Variants in CPLANE1 observed in about 807,000 individuals in gnomAD.
CPLANE1 encodes the protein ciliogenesis and planar polarity effector 1.
Under a neutral mutation model 362.5 loss-of-function variants are expected in CPLANE1, and 263 were observed. The observed-to-expected ratio is 0.73, with a 90% CI of 0.66 to 0.80. CPLANE1 has a LOEUF of 0.80. CPLANE1 is among the 30% of genes least tolerant of loss of function. The pLI, the probability that CPLANE1 is intolerant of heterozygous loss-of-function variation, is 0.00. For missense variants in CPLANE1, 3,461 were observed against 3,793.4 expected (o/e 0.91, Z 2.30); for synonymous variants, 1,212 against 1,302.6 (o/e 0.93, Z 1.50).
At chr5:37,102,043 C>T (rs1023979205), downstream of CPLANE1, among the ~76,000 whole-genome samples, 16 of 151,250 alleles carry the variant, frequency 1.1e-4, no homozygotes, top group African/African-American at 3.9e-4. Flanking sequence ...AAAAAAACAA[C>T]TCCTGGATTA....
rs1172760010 is a variant in CPLANE1 at position 37,157,311 on chromosome 5, A to C, written c.8119+2T>G. On this transcript the variant is annotated splice_donor_variant, in intron 41 of 52. Coordinates refer to ENST00000651892, the MANE Select transcript of CPLANE1 (RefSeq NM_001384732.1). LOFTEE classifies it high-confidence loss of function. The stretch of plus-strand genomic sequence containing the variant: ...GTCATGCTATACCTCTTGGCTGTTT[A>C]CCTTTGTTCTGCTGTATGTCTGATG... The C allele has an allele frequency of 7.4e-6, 10 of 1,357,880 alleles. No individual in the cohort carries two copies. In the Admixed American group the frequency reaches 1.9e-4, roughly 26 times the overall value. 84.1% of individuals were successfully genotyped at this position (1,357,880 alleles called of 1,614,324 possible). A position where few individuals can be genotyped will look rare whatever the true frequency, so the allele number is the denominator to read the frequency against.
rs928040824 is a variant in CPLANE1, at chr5:37,213,470, T to A, written c.2920+89A>T. ...CAGATACTATGCTAGAACAGTATCA[T>A]TGAGTAATGGCCTCTGTATAATATG... On this transcript the variant is annotated intron_variant, in intron 16 of 52. Transcript: ENST00000651892. 6.1e-6 allele frequency: 5 copies of A among 820,446 alleles called. No individual in the cohort carries two copies. The African/African-American group carries it at 8.7e-5, about 14-fold the overall frequency. 50.8% of individuals were successfully genotyped at this position (820,446 alleles called of 1,614,324 possible). A position where few individuals can be genotyped will look rare whatever the true frequency, so the allele number is the denominator to read the frequency against.
At chr5:37,096,206 T>G in the CPLANE1 span, among the ~76,000 whole-genome samples, 1 of 151,654 alleles carries the variant, frequency 6.6e-6, no homozygotes, top group Non-Finnish European at 1.5e-5. Context: ...ACCAAAACAG[T>G]GTGGTACTGG....
intron 19 of CPLANE1, 92 bp from the exon 20 acceptor site, chr5:37,198,958 A>G: frequency 1.7e-6 from 2 of 1,181,324 alleles, no homozygotes; most frequent in South Asian, 2.9e-5. Context: ...TGAGCTGAGC[A>G]CAGTGGCTCA....
chr5:37,135,822 T>G (rs1186323342), intron 46 of CPLANE1, among the ~76,000 whole-genome samples: 1 of 151,158 alleles, frequency 6.6e-6, no homozygotes, highest in East Asian at 1.9e-4. Flanking sequence ...AGAGCGAGAC[T>G]CTGTCTCAAA....
At chr5:37,140,868 T>G in intron 44 of CPLANE1, 3 of 934,074 alleles carry the variant, frequency 3.2e-6, no homozygotes, top group Non-Finnish European at 3.8e-6. Context: ...TTTTTTTTTT[T>G]CTAGCTCATC....
At chr5:37,085,733 AT>A in the CPLANE1 span, 1 of 1,323,942 alleles carries the variant, frequency 7.6e-7, no homozygotes, top group Non-Finnish European at 1.1e-6. Flanking sequence ...ACTTTCCAAC[AT>A]TTTTGTTATT....
chr5:37,202,474 C>T (rs1181921233), intron 18 of CPLANE1, among the ~76,000 whole-genome samples: 1 of 151,966 alleles, frequency 6.6e-6, no homozygotes, highest in Non-Finnish European at 1.5e-5. Context: ...CTTAATAGTA[C>T]ATGATAGTAC....
chr5:37,237,568 C>T (rs2150649632), intron 8 of CPLANE1, among the ~76,000 whole-genome samples: 1 of 152,318 alleles, frequency 6.6e-6, no homozygotes, highest in East Asian at 1.9e-4. Context: ...CACCTATGGC[C>T]AGGCACGGTG....
intron 5 of CPLANE1, 134 bp downstream of exon 5, chr5:37,244,241 A>T (rs1463977367): frequency 1.1e-5 from 6 of 565,974 alleles, no homozygotes; most frequent in African/African-American, 9.7e-5. Flanking sequence ...GTGACCCAAG[A>T]AATATAAAAA....
chr5:37,244,493 G>A lies in CPLANE1; in HGVS notation c.452C>T (p.Ser151Phe), dbSNP rs1343395272. The A allele has an allele frequency of 1.9e-6, 3 of 1,551,690 alleles. No individual in the cohort carries two copies. Among genetic ancestry groups the A allele is most frequent in the Non-Finnish European group, 2.6e-6 (3 of 1,146,982 alleles). ...WEYLELKNIL[S>F]SKSLSLAGRW... ...ACCCGCCAATGAAAGGCTTTTAGAA[G>A]ATAAGATATTCTTTAATTCCAAATA... is the stretch of plus-strand genomic sequence containing the variant. Residue 151 changes from serine to phenylalanine, a missense_variant, in exon 5 of 53, where the codon TCT becomes TTT. Coordinates refer to ENST00000651892, the MANE Select transcript of CPLANE1 (RefSeq NM_001384732.1).
chr5:37,087,580 C>T, the CPLANE1 span, among the ~76,000 whole-genome samples: 2 of 152,214 alleles, frequency 1.3e-5, no homozygotes, highest in Non-Finnish European at 2.9e-5. Flanking sequence ...CCTCAGCCTC[C>T]CGCGTAGCTG....
At chr5:37,147,971 C>CAAAAAAAAAAAAAAAAAAA (rs11284644) in intron 43 of CPLANE1, among the ~76,000 whole-genome samples, 14 of 15,312 alleles carry the variant, frequency 9.1e-4, no homozygotes, top group South Asian at 5.8e-3. Flanking sequence ...ACTGCCTTCT[C>CAAAAAAAAAAAAAAAAAAA]AAAAAAAAAA....
intron 42 of CPLANE1, among the ~76,000 whole-genome samples, chr5:37,152,704 AG>A (rs1390202122): frequency 3.9e-5 from 6 of 152,216 alleles, no homozygotes; most frequent in African/African-American, 1.4e-4. Flanking sequence ...CAAGCAAAAT[AG>A]GGAGAACTCG....
intron 15 of CPLANE1, among the ~76,000 whole-genome samples, chr5:37,220,815 G>A (rs1009232845): frequency 5.3e-5 from 8 of 152,152 alleles, no homozygotes; most frequent in Admixed American, 2.6e-4. Flanking sequence ...CACTGTGCCC[G>A]GCCCAGATTT....
Position 37,209,419 on chromosome 5 carries a change from T to A in CPLANE1, c.2921-2994A>T, listed in dbSNP as rs1323007163. Reference sequence around the variant, plus strand: ...GCTGATGTGTTGAGTCAAAATGAACTGCGCAAAAAGCTATACCAGACATTT... The same window carrying A: ...GCTGATGTGTTGAGTCAAAATGAACAGCGCAAAAAGCTATACCAGACATTT... On this transcript the variant is annotated intron_variant, in intron 16 of 52. Coordinates refer to ENST00000651892, the MANE Select transcript of CPLANE1 (RefSeq NM_001384732.1). This position sits in a 1 kb window ranked among gnomAD's most constrained non-coding sequence, Gnocchi z 4.6. The A allele has an allele frequency of 2.3e-6, 3 of 1,290,276 alleles. No homozygotes were observed. Among genetic ancestry groups the A allele is most frequent in the Non-Finnish European group, 3.4e-6 (3 of 887,282 alleles). The allele number at this position is 1,290,276 out of a possible 1,614,324, so 79.9% of individuals were successfully genotyped here. A position where few individuals can be genotyped will look rare whatever the true frequency, so the allele number is the denominator to read the frequency against.
chr5:37,121,496 A>T, intron 49 of CPLANE1, 121 bp downstream of exon 49: 6 of 887,344 alleles, frequency 6.8e-6, no homozygotes, highest in African/African-American at 3.4e-5. Flanking sequence ...TTTTTCCTTT[A>T]TCATCATAAC....
intron 8 of CPLANE1, among the ~76,000 whole-genome samples, chr5:37,231,398 C>T (rs895917470): frequency 1.2e-4 from 18 of 152,162 alleles, no homozygotes; most frequent in African/African-American, 3.9e-4. Context: ...TGGCCAACAC[C>T]GTCTCTACAA....
At chr5:37,198,445 A>C (rs561231474) in intron 20 of CPLANE1, among the ~76,000 whole-genome samples, 2 of 152,252 alleles carry the variant, frequency 1.3e-5, no homozygotes, top group African/African-American at 4.8e-5. Flanking sequence ...GAAAAAAAAA[A>C]AACTGTAATT....
Sources: gnomAD v4.1 joint callset for allele counts (sites outside exome capture counted in the v4.1 genomes callset) on GRCh38, gnomAD v4.1.1 for gene constraint, Gnocchi (gnomAD v3.1) non-coding constraint, MANE v1.5 for transcripts, NCBI Gene and HGNC (gene_info 2026-07-23, HGNC 2026-07-21) for gene names.